GABBR1: variants seen among roughly 807,000 people sequenced by gnomAD.
GABBR1 encodes the protein gamma-aminobutyric acid type B receptor subunit 1.
In GABBR1, 35 loss-of-function variants were observed where a neutral mutation model predicts 117.7. The ratio of observed to expected loss-of-function variants is 0.30; its 90% CI spans 0.23 to 0.39. GABBR1 has a LOEUF of 0.39. Among genes scored for constraint, GABBR1 ranks in the 10% least tolerant of loss-of-function variants. GABBR1 has a pLI of 1.00. For synonymous variants in GABBR1, 442 were observed against 486.6 expected, an observed-to-expected ratio of 0.91 and a Z score of 1.21; for missense variants, 709 against 1,241.8, an observed-to-expected ratio of 0.57 and a Z score of 6.45.
At chr6:29,608,860 G>C in intron 15 of GABBR1, 127 bp from the exon 16 acceptor site, 1 of 1,049,684 alleles carries the variant, frequency 9.5e-7, no homozygotes, top group South Asian at 1.6e-5. Context: ...AGGAAGACAG[G>C]ATTGGAGAAG....
rs776477296 is a variant in GABBR1 at position 29,606,923 on chromosome 6, C to T, written c.2191G>A (p.Val731Met). Residue 731 changes from valine to methionine, a missense_variant, in exon 18 of 23, where the codon GTG becomes ATG. By Grantham distance (21) the Val-to-Met change is conservative (BLOSUM62 1). Coordinates refer to ENST00000377034, the MANE Select transcript of GABBR1 (RefSeq NM_001470.4). This position sits in a 1 kb window ranked among gnomAD's most constrained non-coding sequence, Gnocchi z 4.5. ...DVLTLAIWQIVDPLHRTIETF... is the reference protein window; with the variant it reads ...DVLTLAIWQIMDPLHRTIETF... ...TCAATGGTCCGGTGCAGAGGGTCCACGATCTGCCAGATGGCGAGAGTGAGG... is the reference window on the plus strand; with the variant it reads ...TCAATGGTCCGGTGCAGAGGGTCCATGATCTGCCAGATGGCGAGAGTGAGG... 3 of 1,614,184 alleles carry T rather than the reference C, an allele frequency of 1.9e-6. No individual in the cohort carries two copies. The highest frequency in any genetic ancestry group is 4.5e-5 in the East Asian group (2 of 44,882).
Position 29,613,499 on chromosome 6 carries a change from A to T in GABBR1, c.1324-14T>A, listed in dbSNP as rs756713481. On this transcript the variant is annotated splice_polypyrimidine_tract_variant and intron_variant, in intron 11 of 22. Coordinates refer to ENST00000377034, the MANE Select transcript of GABBR1 (RefSeq NM_001470.4). This position sits in a 1 kb window ranked among gnomAD's most constrained non-coding sequence, Gnocchi z 4.1. ...TTCCTGGGATGTCTTGGGAGGAAAAAATCATGAGGAAAGAACTGAAATGTG... is the reference window on the plus strand; with the variant it reads ...TTCCTGGGATGTCTTGGGAGGAAAATATCATGAGGAAAGAACTGAAATGTG... 8 of 1,610,192 alleles carry T rather than the reference A, an allele frequency of 5.0e-6. No homozygotes were observed. The African/African-American group carries it at 6.7e-5, about 13-fold the overall frequency.
Position 29,627,449 on chromosome 6 carries a change from G to GCCCCCCCCCCC in GABBR1, c.657+36_657+37insGGGGGGGGGGG. On this transcript the variant is annotated intron_variant, in intron 6 of 22. Transcript: ENST00000377034. This position sits in a 1 kb window ranked among gnomAD's most constrained non-coding sequence, Gnocchi z 4.4. ...AGCTGGCTGGCCCCCTGCCCCGCAA[G>GCCCCCCCCCCC]CCCCCACCTCCCACCCACCCCCATG... The GCCCCCCCCCCC allele has an allele frequency of 6.6e-5, 79 of 1,204,714 alleles. No individual in the cohort carries two copies. The highest frequency in any genetic ancestry group is 3.0e-4 in the South Asian group (22 of 73,862). 74.6% of individuals were successfully genotyped at this position (1,204,714 alleles called of 1,614,324 possible).
At chr6:29,603,798 C>G (rs1582943547) in intron 22 of GABBR1, 82 bp from the exon 23 acceptor site, 1 of 1,104,968 alleles carries the variant, frequency 9.1e-7, no homozygotes, top group Non-Finnish European at 1.2e-6. Context: ...AGGAAGGGCA[C>G]AGGGAAAGAG....
In GABBR1 at chr6:29,603,636, G is replaced by T; in HGVS notation, c.2793C>A (p.Pro931=). ...QLRSRRHPPT[P]PEPSGGLPRG... is the part of the protein sequence containing the mutation. ...TGGGCAGGCCCCCAGAGGGTTCTGG[G>T]GGTGTCGGTGGGTGGCGCCGGGAGC... Residue 931 remains proline (P), a synonymous_variant, in exon 23 of 23, where the codon CCC becomes CCA. Coordinates refer to ENST00000377034, the MANE Select transcript of GABBR1 (RefSeq NM_001470.4). 6.5e-7 allele frequency: 1 copy of T among 1,527,794 alleles called. No individual in the cohort carries two copies. Among genetic ancestry groups the T allele is most frequent in the Non-Finnish European group, 8.8e-7 (1 of 1,142,530 alleles). 94.6% of individuals were successfully genotyped at this position (1,527,794 alleles called of 1,614,324 possible).
At position 29,621,868 on chromosome 6, in the gene GABBR1, G is replaced by C; in HGVS notation, c.1066-51C>G. ...TGAGGGATGCCCGGGAATGCCTGAG[G>C]GGCTAAGCCAGATGTCTTCACAGCT... On this transcript the variant is annotated intron_variant, in intron 9 of 22. Transcript: ENST00000377034. This position sits in a 1 kb window ranked among gnomAD's most constrained non-coding sequence, Gnocchi z 5.0. 1 of 1,581,814 alleles carries C rather than the reference G, an allele frequency of 6.3e-7. No individual in the cohort carries two copies. The highest frequency in any genetic ancestry group is 8.7e-7 in the Non-Finnish European group (1 of 1,151,102).
Position 29,613,191 on chromosome 6 carries a change from GTC to G in GABBR1, c.1566+50_1566+51del. ...TGTTTGTAGAAGGTGCCTCTTGGGA[GTC>G]TCTCTCAAGATTGGGAAGACAGGGG... On this transcript the variant is annotated intron_variant, in intron 12 of 22. Transcript: ENST00000377034. This position sits in a 1 kb window ranked among gnomAD's most constrained non-coding sequence, Gnocchi z 4.1. 6.3e-7 allele frequency: 1 copy of G among 1,585,478 alleles called. No individual in the cohort carries two copies. The highest frequency in any genetic ancestry group is 2.2e-5 in the East Asian group (1 of 44,552).
At position 29,604,370 on chromosome 6, in the gene GABBR1, G is replaced by T; in HGVS notation, c.2712+124C>A. ...TCACTCCTTACAGGTTGTCTCCTAG[G>T]ACCCTCCCTCCATGAGCCAAGAACA... On this transcript the variant is annotated intron_variant, in intron 22 of 22. Coordinates refer to ENST00000377034, the MANE Select transcript of GABBR1 (RefSeq NM_001470.4). The surrounding 1 kb of genome is among the most constrained non-coding windows in gnomAD (Gnocchi z 5.3). 8.3e-7 allele frequency: 1 copy of T among 1,197,630 alleles called. No homozygotes were observed. The highest frequency in any genetic ancestry group is 1.2e-6 in the Non-Finnish European group (1 of 815,744). The allele number at this position is 1,197,630 out of a possible 1,614,324, so 74.2% of individuals were successfully genotyped here. A position where few individuals can be genotyped will look rare whatever the true frequency, so the allele number is the denominator to read the frequency against.
At chr6:29,629,229 G>A in intron 4 of GABBR1, 122 bp from the exon 5 acceptor site, 2 of 1,100,318 alleles carry the variant, frequency 1.8e-6, no homozygotes. Context: ...AGAAGCCTGC[G>A]TTTCTGAGGG....
chr6:29,628,289 CGTGCCAGGAGGGCGGGGTGGGCGGA>C, intron 5 of GABBR1: 1 of 98,102 alleles, frequency 1.0e-5, no homozygotes, highest in African/African-American at 4.9e-5. Context: ...GGGGACGGGG[CGTGCCAGGAGGGCGGGGTGGGCGGA>C]GGGAGCCGCG....
chr6:29,627,840 G>A lies in GABBR1; in HGVS notation c.497-194C>T. On this transcript the variant is annotated intron_variant, in intron 5 of 22. Coordinates refer to ENST00000377034, the MANE Select transcript of GABBR1 (RefSeq NM_001470.4). This position sits in a 1 kb window ranked among gnomAD's most constrained non-coding sequence, Gnocchi z 4.4. ...TTGGGGAGCGTTAGGAGCTCAGGGG[G>A]GACACTTTTCCTGGGGAGGGCTGCT... The A allele has an allele frequency of 7.1e-7, 1 of 1,399,990 alleles. No homozygotes were observed. Among genetic ancestry groups the A allele is most frequent in the Non-Finnish European group, 9.2e-7 (1 of 1,081,594 alleles). The allele number at this position is 1,399,990 out of a possible 1,614,324, so 86.7% of individuals were successfully genotyped here. A position where few individuals can be genotyped will look rare whatever the true frequency, so the allele number is the denominator to read the frequency against.
rs1407661078 is a variant in GABBR1 at position 29,603,437 on chromosome 6, G to C, written c.*106C>G. 2.2e-6 allele frequency: 2 copies of C among 918,296 alleles called. No individual in the cohort carries two copies. The highest frequency in any genetic ancestry group is 4.0e-5 in the Admixed American group (2 of 50,194). 56.9% of individuals were successfully genotyped at this position (918,296 alleles called of 1,614,324 possible). On this transcript the variant is annotated 3_prime_UTR_variant, in exon 23 of 23. Coordinates refer to ENST00000377034, the MANE Select transcript of GABBR1 (RefSeq NM_001470.4). ...TATTTACAAGAGATGAGATTGGATA[G>C]CATGTTCTTCCCAGCTGGGGATGGG...
rs759457859 is a variant in GABBR1, at chr6:29,606,924, G to C, written c.2190C>G (p.Ile730Met). The change falls in exon 18 of 23, where the codon ATC becomes ATG. Residue 730 changes from isoleucine to methionine, a missense_variant. Physicochemically the swap from Ile to Met is conservative, Grantham distance 10 (BLOSUM62 1). This residue lies in a region of GABBR1 where 251 missense variants were observed against 445.3 expected (regional missense o/e 0.56). Coordinates refer to ENST00000377034, the MANE Select transcript of GABBR1 (RefSeq NM_001470.4). This position sits in a 1 kb window ranked among gnomAD's most constrained non-coding sequence, Gnocchi z 4.5. ...CAATGGTCCGGTGCAGAGGGTCCAC[G>C]ATCTGCCAGATGGCGAGAGTGAGGA... ...MDVLTLAIWQ[I>M]VDPLHRTIET... is the part of the protein sequence containing the mutation. 3 of 1,614,000 alleles carry C rather than the reference G, an allele frequency of 1.9e-6. No individual in the cohort carries two copies. The South Asian group carries it at 3.3e-5, about 18-fold the overall frequency.
chr6:29,632,246 C>A lies in GABBR1; in HGVS notation c.85+55G>T. Reference sequence around the variant, plus strand: ...GATGAGGACCAGAAATGAGGAGATGCAGGGAAAGGGAAGTGGAGCGAAGGA... The same window carrying A: ...GATGAGGACCAGAAATGAGGAGATGAAGGGAAAGGGAAGTGGAGCGAAGGA... On this transcript the variant is annotated intron_variant, in intron 2 of 22. Coordinates refer to ENST00000377034, the MANE Select transcript of GABBR1 (RefSeq NM_001470.4). This position sits in a 1 kb window ranked among gnomAD's most constrained non-coding sequence, Gnocchi z 5.8. 9.6e-7 allele frequency: 1 copy of A among 1,040,140 alleles called. No individual in the cohort carries two copies. The highest frequency in any genetic ancestry group is 1.3e-6 in the Non-Finnish European group (1 of 755,764). 64.4% of individuals were successfully genotyped at this position (1,040,140 alleles called of 1,614,324 possible). A position where few individuals can be genotyped will look rare whatever the true frequency, so the allele number is the denominator to read the frequency against.
intron 11 of GABBR1, among the ~76,000 whole-genome samples, chr6:29,619,695 A>G (rs73404750): frequency 0.02 from 2,999 of 151,572 alleles, 58 homozygotes; most frequent in African/African-American, 0.049. Context: ...GCTCCCTGCT[A>G]TAAGACAGAA....
At position 29,632,603 on chromosome 6, in the gene GABBR1, G is replaced by C; in HGVS notation, c.1-218C>G. 2.5e-6 allele frequency: 3 copies of C among 1,178,898 alleles called. No homozygotes were observed. The highest frequency in any genetic ancestry group is 2.3e-6 in the Non-Finnish European group (2 of 869,806). The allele number at this position is 1,178,898 out of a possible 1,614,324, so 73.0% of individuals were successfully genotyped here. ...TCCCCACCCTCCTCCTGCCTCCCTCGGCCCCCAACCCTCCCGGGACTCCAC... is the reference window on the plus strand; with the variant it reads ...TCCCCACCCTCCTCCTGCCTCCCTCCGCCCCCAACCCTCCCGGGACTCCAC... On this transcript the variant is annotated intron_variant, in intron 1 of 22. Transcript: ENST00000377034. This position sits in a 1 kb window ranked among gnomAD's most constrained non-coding sequence, Gnocchi z 5.8.
chr6:29,621,339 GT>G lies in GABBR1; in HGVS notation c.1132-48del. 3 of 1,512,380 alleles carry G rather than the reference GT, an allele frequency of 2.0e-6. No homozygotes were observed. The highest frequency in any genetic ancestry group is 1.8e-6 in the Non-Finnish European group (2 of 1,098,930). 93.7% of individuals were successfully genotyped at this position (1,512,380 alleles called of 1,614,324 possible). A position where few individuals can be genotyped will look rare whatever the true frequency, so the allele number is the denominator to read the frequency against. Reference sequence around the variant, plus strand: ...TGAGTTTTTGTTTGCTCATTTGTTTGTTTTTGTCTTATCTCACTTGATACTA... The same window carrying G: ...TGAGTTTTTGTTTGCTCATTTGTTTGTTTTGTCTTATCTCACTTGATACTA... On this transcript the variant is annotated intron_variant, in intron 10 of 22. Transcript: ENST00000377034. This position sits in a 1 kb window ranked among gnomAD's most constrained non-coding sequence, Gnocchi z 5.0.
In GABBR1 at chr6:29,604,148, T is replaced by C. The variant is rs1761702420; in HGVS notation, c.2712+346A>G. Among the ~76,000 whole-genome samples the C allele has an allele frequency of 6.6e-6, 1 of 152,030 alleles. No homozygotes were observed. Among genetic ancestry groups the C allele is most frequent in the Non-Finnish European group, 1.5e-5 (1 of 67,994 alleles). ...GGCTGCATGCTACACCCAGCTGCTG[T>C]GAGTGTTGACTACTAGAGGCTCACA... On this transcript the variant is annotated intron_variant, in intron 22 of 22. Transcript: ENST00000377034. The surrounding 1 kb of genome is among the most constrained non-coding windows in gnomAD (Gnocchi z 5.3).
rs1331141323 is a variant in GABBR1 at position 29,603,115 on chromosome 6, C to T, written c.*428G>A. The T allele has an allele frequency of 2.2e-6, 1 of 463,192 alleles. No homozygotes were observed. The highest frequency in any genetic ancestry group is 1.5e-5 in the South Asian group (1 of 64,624). The allele number at this position is 463,192 out of a possible 1,614,324, so 28.7% of individuals were successfully genotyped here. ...TTATGACAGTGGAGAAAAGGAGAGG[C>T]CCCTTTGGGGTGGAAAGAGCACTTG... On this transcript the variant is annotated 3_prime_UTR_variant, in exon 23 of 23. Coordinates refer to ENST00000377034, the MANE Select transcript of GABBR1 (RefSeq NM_001470.4).
Sources: allele counts gnomAD v4.1 joint callset (sites outside exome capture counted in the v4.1 genomes callset), GRCh38; gene constraint gnomAD v4.1.1; regional missense constraint gnomAD v4.1.1; non-coding constraint Gnocchi (gnomAD v3.1); transcripts MANE v1.5; gene names NCBI Gene and HGNC (gene_info 2026-07-23, HGNC 2026-07-21).